SLF1: variants seen among roughly 807,000 people sequenced by gnomAD.
The protein encoded by SLF1 is SMC5-SMC6 complex localization factor protein 1.
SLF1 carries 105 observed loss-of-function variants against 123.0 expected under a neutral mutation model. The observed-to-expected ratio is 0.85, with a 90% CI of 0.73 to 1.00. The LOEUF is 1.00. SLF1 is among the 50% of genes least tolerant of loss of function. The probability of loss-of-function intolerance (pLI) is 0.00; values close to 1 mark genes in which losing one functional copy is unlikely to be tolerated. For synonymous variants in SLF1, 434 were observed against 406.6 expected, an observed-to-expected ratio of 1.07 and a Z score of -0.81; for missense variants, 1,239 against 1,223.0, an observed-to-expected ratio of 1.01 and a Z score of -0.20.
chr5:94,662,609 T>C (rs1749261915), intron 10 of SLF1, among the ~76,000 whole-genome samples: 1 of 152,232 alleles, frequency 6.6e-6, no homozygotes, highest in African/African-American at 2.4e-5. Context: ...AGGTGAAATA[T>C]ACATTCCTGT....
intron 12 of SLF1, among the ~76,000 whole-genome samples, chr5:94,667,562 A>G (rs1381672478): frequency 1.3e-5 from 2 of 152,208 alleles, no homozygotes; most frequent in Admixed American, 6.5e-5. Flanking sequence ...TGACTCACAT[A>G]CATTGAACTA....
At chr5:94,626,653 T>C (rs2152464458) in intron 1 of SLF1, among the ~76,000 whole-genome samples, 1 of 152,332 alleles carries the variant, frequency 6.6e-6, no homozygotes, top group South Asian at 2.1e-4. Flanking sequence ...GGTTTGTTTT[T>C]TCTGCATCCT....
In SLF1 at chr5:94,670,868, A is replaced by G; in HGVS notation, c.1687A>G (p.Asn563Asp). 6.5e-7 allele frequency: 1 copy of G among 1,549,834 alleles called. No individual in the cohort carries two copies. Among genetic ancestry groups the G allele is most frequent in the Non-Finnish European group, 8.7e-7 (1 of 1,145,760 alleles). ...QKLYDWSDSQ[N>D]LKITGKAMLL... The stretch of plus-strand genomic sequence containing the variant: ...GTTGTATGACTGGTCAGATTCTCAG[A>G]ATCTGAAAATAACAGGAAAGGCAAT... Residue 563 changes from asparagine (N) to aspartate (D), a missense_variant, in exon 14 of 21, where the codon AAT (asparagine) becomes GAT (aspartate). Asn to Asp is a conservative substitution (Grantham distance 23). Transcript: ENST00000265140.
intron 14 of SLF1, among the ~76,000 whole-genome samples, chr5:94,677,477 G>T (rs1751212333): frequency 6.6e-6 from 1 of 152,026 alleles, no homozygotes. Flanking sequence ...TTTTATACAT[G>T]AACAGAATGT....
intron 9 of SLF1, 133 bp downstream of exon 9, chr5:94,654,885 TTATTAGTC>T: frequency 1.5e-6 from 1 of 676,120 alleles, no homozygotes; most frequent in Non-Finnish European, 2.0e-6. Context: ...TTTTCTTAGT[TTATTAGTC>T]TATTATACAG....
chr5:94,631,871 T>A (rs538481082), intron 4 of SLF1, among the ~76,000 whole-genome samples: 1 of 152,118 alleles, frequency 6.6e-6, no homozygotes, highest in Admixed American at 6.6e-5. Flanking sequence ...TCCTAGCACT[T>A]TGAGAGGCCA....
At chr5:94,621,314 G>A (rs1437308878) in intron 1 of SLF1, among the ~76,000 whole-genome samples, 2 of 152,270 alleles carry the variant, frequency 1.3e-5, no homozygotes, top group Middle Eastern at 3.4e-3. Flanking sequence ...TTTACTAGCT[G>A]TGTACCCTTG....
intron 1 of SLF1, among the ~76,000 whole-genome samples, chr5:94,624,967 A>G (rs1792098502): frequency 6.6e-6 from 1 of 151,568 alleles, no homozygotes; most frequent in African/African-American, 2.4e-5. Context: ...CAGGCGGATC[A>G]CAAGGTCAGG....
At chr5:94,651,027 C>A (rs999977608) in intron 6 of SLF1, among the ~76,000 whole-genome samples, 7 of 152,152 alleles carry the variant, frequency 4.6e-5, no homozygotes, top group Admixed American at 1.3e-4. Context: ...CAACGGACCC[C>A]ATATATGATA....
In SLF1 at chr5:94,629,089, C is replaced by T. The variant is rs1354045133; in HGVS notation, c.115-3C>T. On this transcript the variant is annotated splice_region_variant and splice_polypyrimidine_tract_variant and intron_variant, in intron 2 of 20. Coordinates refer to ENST00000265140, the MANE Select transcript of SLF1 (RefSeq NM_032290.4). ...ATTTCTTGATGTGGATTTTTCCCTC[C>T]AGAAATACAAAAATTGTACACATCT... is the stretch of plus-strand genomic sequence containing the variant. The T allele has an allele frequency of 2.0e-6, 3 of 1,532,794 alleles. No individual in the cohort carries two copies. The highest frequency in any genetic ancestry group is 4.2e-5 in the Admixed American group (2 of 47,722). The allele number at this position is 1,532,794 out of a possible 1,614,324, so 94.9% of individuals were successfully genotyped here.
At position 94,662,303 on chromosome 5, in the gene SLF1, C is replaced by A; in HGVS notation, c.1161C>A (p.Val387=). The change falls in exon 10 of 21, where the codon GTC becomes GTA. Residue 387 remains valine (V), a synonymous_variant. Transcript: ENST00000265140. ...LRKHIYRAQA[V]RYNCIRIDKQ... The stretch of plus-strand genomic sequence containing the variant: ...ATATGGTTGCTCTTTTGTAGGCTGT[C>A]AGATACAACTGCATTAGAATAGATA... The A allele has an allele frequency of 6.5e-7, 1 of 1,547,794 alleles. No homozygotes were observed. The highest frequency in any genetic ancestry group is 1.2e-5 in the South Asian group (1 of 83,334).
At position 94,642,036 on chromosome 5, in the gene SLF1, T is replaced by G. The variant is rs112247485; in HGVS notation, c.432-1237T>G. Among the ~76,000 whole-genome samples, 628 of 152,358 alleles carry G rather than the reference T, an allele frequency of 4.1e-3. 4 individuals are homozygous for G. The highest frequency in any genetic ancestry group is 0.015 in the African/African-American group (607 of 41,578). ...TTTTCCCAGGCTGGGCAGCAGCAGA[T>G]TTTCCTAACCCTTGCCTAAGGGCAG... On this transcript the variant is annotated intron_variant, in intron 4 of 20. Coordinates refer to ENST00000265140, the MANE Select transcript of SLF1 (RefSeq NM_032290.4).
intron 20 of SLF1, 134 bp from the exon 21 acceptor site, chr5:94,694,697 T>G (rs1585252628): frequency 8.7e-7 from 1 of 1,143,020 alleles, no homozygotes. Context: ...GTCAGTTAAT[T>G]GTGTCGACAT....
chr5:94,661,812 C>T (rs1210089367), intron 9 of SLF1, among the ~76,000 whole-genome samples: 3 of 152,196 alleles, frequency 2.0e-5, no homozygotes, highest in Admixed American at 1.3e-4. Context: ...GCTGGGATTA[C>T]AGGTGTGAGC....
chr5:94,628,746 A>G, intron 1 of SLF1, 65 bp from the exon 2 acceptor site: 2 of 1,091,992 alleles, frequency 1.8e-6, no homozygotes, highest in Non-Finnish European at 2.5e-6. Context: ...TTAAGAAAAA[A>G]TAATGTCAAC....
intron 10 of SLF1, among the ~76,000 whole-genome samples, chr5:94,663,032 T>C (rs572121483): frequency 2.2e-3 from 339 of 152,352 alleles, no homozygotes; most frequent in South Asian, 4.1e-3. Flanking sequence ...AAATATTGCT[T>C]GTGCTTGATG....
intron 14 of SLF1, among the ~76,000 whole-genome samples, chr5:94,672,038 G>GT (rs918242920): frequency 2.0e-5 from 3 of 151,958 alleles, no homozygotes; most frequent in African/African-American, 7.2e-5. Flanking sequence ...ACCAGAATGT[G>GT]TTTTTTCTGT....
chr5:94,643,253 C>A lies in SLF1; in HGVS notation c.432-20C>A. ...ACTCAAATTTTCTAATACTTTTATA[C>A]CATTTACATTTTTATTTAGAGTTTT... On this transcript the variant is annotated intron_variant, in intron 4 of 20. Coordinates refer to ENST00000265140, the MANE Select transcript of SLF1 (RefSeq NM_032290.4). 6.7e-7 allele frequency: 1 copy of A among 1,484,340 alleles called. No homozygotes were observed. Among genetic ancestry groups the A allele is most frequent in the Non-Finnish European group, 9.0e-7 (1 of 1,108,142 alleles). 91.9% of individuals were successfully genotyped at this position (1,484,340 alleles called of 1,614,324 possible).
Position 94,688,165 on chromosome 5 carries a change from A to G in SLF1, c.2122-341A>G, listed in dbSNP as rs570649600. ...AGGCATTATCAGAATGGAAATTACA[A>G]AATACCAGTTGTATGTAAATCATAC... On this transcript the variant is annotated intron_variant, in intron 16 of 20. Transcript: ENST00000265140. Among the ~76,000 whole-genome samples the G allele has an allele frequency of 2.0e-3, 311 of 152,236 alleles. 2 individuals are homozygous for G. The highest frequency in any genetic ancestry group is 4.4e-3 in the Admixed American group (67 of 15,298).
Sources: allele counts gnomAD v4.1 joint callset (sites outside exome capture counted in the v4.1 genomes callset), GRCh38; gene constraint gnomAD v4.1.1; transcripts MANE v1.5; gene names NCBI Gene and HGNC (gene_info 2026-07-23, HGNC 2026-07-21).